PTBP3: variants seen among roughly 807,000 people sequenced by gnomAD.
PTBP3 encodes polypyrimidine tract-binding protein 3.
A neutral mutation model predicts 58.7 loss-of-function variants in PTBP3; 20 were observed. The observed-to-expected ratio is 0.34, with a 90% CI of 0.24 to 0.50. The LOEUF is 0.50. Ranked by LOEUF, PTBP3 falls within the 20% of genes least tolerant of loss-of-function variation. The pLI is 0.98. For synonymous variants in PTBP3, 185 were observed against 219.8 expected (o/e 0.84, Z 1.40); for missense variants, 509 against 637.2 (o/e 0.80, Z 2.17).
chr9:112,233,340 T>C (rs917885490), intron 8 of PTBP3, among the ~76,000 whole-genome samples: 1 of 151,142 alleles, frequency 6.6e-6, no homozygotes, highest in African/African-American at 2.4e-5. Flanking sequence ...TTAAAAGTCT[T>C]ATCAAGTCAG....
At chr9:112,372,296 C>T in the PTBP3 span, among the ~76,000 whole-genome samples, 2 of 152,072 alleles carry the variant, frequency 1.3e-5, no homozygotes, top group Non-Finnish European at 2.9e-5. Flanking sequence ...CCAGGCTGGT[C>T]TTGAACTCCT....
intron 1 of PTBP3, among the ~76,000 whole-genome samples, chr9:112,300,837 C>T (rs1317841006): frequency 6.6e-6 from 1 of 152,036 alleles, no homozygotes; most frequent in East Asian, 1.9e-4. Context: ...TGGCTCACAC[C>T]TGTATTCCCA....
At chr9:112,231,319 A>G (rs1317547317) in intron 10 of PTBP3, 61 bp downstream of exon 10, 1 of 1,382,212 alleles carries the variant, frequency 7.2e-7, no homozygotes, top group African/African-American at 1.9e-5. Flanking sequence ...TATTACTAAA[A>G]AAGTGAAATG....
At chr9:112,236,630 T>C (rs1285374707) in intron 7 of PTBP3, among the ~76,000 whole-genome samples, 1 of 152,168 alleles carries the variant, frequency 6.6e-6, no homozygotes, top group African/African-American at 2.4e-5. Context: ...CCCTTCTATA[T>C]AACTGGCCAA....
At chr9:112,320,699 G>C (rs753998722) in intron 1 of PTBP3, among the ~76,000 whole-genome samples, 7 of 152,220 alleles carry the variant, frequency 4.6e-5, no homozygotes, top group African/African-American at 7.2e-5. Flanking sequence ...TGGAAAACTA[G>C]ATCAAGGGAT....
At chr9:112,360,032 T>C in the PTBP3 span, among the ~76,000 whole-genome samples, 3 of 152,188 alleles carry the variant, frequency 2.0e-5, no homozygotes, top group Non-Finnish European at 4.4e-5. Flanking sequence ...CAGAAATATA[T>C]AGACATTAAA....
chr9:112,367,439 G>GTT, the PTBP3 span, among the ~76,000 whole-genome samples: 1 of 151,904 alleles, frequency 6.6e-6, no homozygotes, highest in Non-Finnish European at 1.5e-5. Context: ...TGTGTTTTGG[G>GTT]TTTTTTTGTT....
At position 112,234,861 on chromosome 9, in the gene PTBP3, G is replaced by A. The variant is rs1360358078; in HGVS notation, c.839C>T (p.Ala280Val). The change falls in exon 8 of 14, where the codon GCT (alanine) becomes GTT (valine). Residue 280 changes from alanine (A) to valine (V), a missense_variant. Physicochemically the swap from Ala to Val is moderately conservative, Grantham distance 64. Around this residue, in one of 4 missense-constraint regions of PTBP3, gnomAD observed 121 missense variants for 114.8 expected, o/e 1.05. Transcript: ENST00000374257. Reference sequence around the variant, plus strand: ...TCCAATGGCTGGGGCAAATCCAGCAGCCCCTGCATATGGTGAAGAAATTAT... The same window carrying A: ...TCCAATGGCTGGGGCAAATCCAGCAACCCCTGCATATGGTGAAGAAATTAT... ...PGIISSPYAG[A>V]AGFAPAIGFP... 1 of 1,612,910 alleles carries A rather than the reference G, an allele frequency of 6.2e-7. No individual in the cohort carries two copies. The highest frequency in any genetic ancestry group is 8.5e-7 in the Non-Finnish European group (1 of 1,179,262).
intron 9 of PTBP3, 116 bp downstream of exon 9, chr9:112,231,969 GAGAAGAGAAGAGAA>G (rs1564391389): frequency 1.5e-5 from 5 of 343,318 alleles, no homozygotes; most frequent in African/African-American, 7.1e-5. Context: ...GAAGAGAAGA[GAGAAGAGAAGAGAA>G]GAGAAGAGAA....
chr9:112,332,998 C>A, intron 1 of PTBP3: 3 of 1,290,354 alleles, frequency 2.3e-6, no homozygotes, highest in Non-Finnish European at 3.0e-6. Context: ...CCGACGCGTG[C>A]ACCCGCCGTC....
intron 7 of PTBP3, among the ~76,000 whole-genome samples, chr9:112,239,848 A>AGG (rs1835580381): frequency 4.4e-5 from 1 of 22,760 alleles, no homozygotes; most frequent in Non-Finnish European, 7.6e-5. Flanking sequence ...GGAGGGAGGG[A>AGG]GGGAGGGAGG....
chr9:112,308,481 T>A (rs1158756221), intron 1 of PTBP3, among the ~76,000 whole-genome samples: 1 of 152,088 alleles, frequency 6.6e-6, no homozygotes, highest in African/African-American at 2.4e-5. Flanking sequence ...CTCAAAATTA[T>A]ACTTAATATT....
chr9:112,340,885 A>AAAC, the PTBP3 span, among the ~76,000 whole-genome samples: 5 of 149,130 alleles, frequency 3.4e-5, no homozygotes, highest in African/African-American at 1.2e-4. Context: ...TCAAAAAAAA[A>AAAC]AAATAAATAA....
intron 2 of PTBP3, among the ~76,000 whole-genome samples, chr9:112,282,823 T>C (rs1827934034): frequency 6.6e-6 from 1 of 152,136 alleles, no homozygotes; most frequent in Non-Finnish European, 1.5e-5. Context: ...TTTGGCTGTG[T>C]CCCCACCCAA....
chr9:112,250,840 A>G, intron 7 of PTBP3, 89 bp downstream of exon 7: 3 of 1,230,286 alleles, frequency 2.4e-6, no homozygotes, highest in Non-Finnish European at 3.2e-6. Context: ...GAACTCGAGA[A>G]GAAAAAGGCT....
intron 2 of PTBP3, among the ~76,000 whole-genome samples, chr9:112,280,354 C>T (rs12379928): frequency 0.27 from 40,329 of 151,952 alleles, 6,659 homozygotes; most frequent in South Asian, 0.41. Flanking sequence ...CGTGCCTGGG[C>T]TGCTGTTTAT....
chr9:112,244,058 T>C (rs1006869027), intron 7 of PTBP3, among the ~76,000 whole-genome samples: 2 of 151,494 alleles, frequency 1.3e-5, no homozygotes, highest in East Asian at 1.9e-4. Context: ...TCCCAACACT[T>C]TGGGAGGCCG....
intron 2 of PTBP3, among the ~76,000 whole-genome samples, chr9:112,294,277 C>T (rs868721746): frequency 2.0e-5 from 3 of 152,094 alleles, no homozygotes; most frequent in Admixed American, 1.3e-4. Context: ...CTTTAGGAGG[C>T]CAAGGAAGGA....
the PTBP3 span, among the ~76,000 whole-genome samples, chr9:112,343,819 A>G: frequency 6.6e-6 from 1 of 151,810 alleles, no homozygotes. Flanking sequence ...AAAATCTTAC[A>G]TGCCCTCATT....
Sources: gnomAD v4.1 joint callset for allele counts (sites outside exome capture counted in the v4.1 genomes callset) on GRCh38, gnomAD v4.1.1 for gene constraint, gnomAD v4.1.1 regional missense constraint, MANE v1.5 for transcripts, NCBI Gene and HGNC (gene_info 2026-07-23, HGNC 2026-07-21) for gene names.